LAMA4: variants seen among roughly 807,000 people sequenced by gnomAD.
The protein encoded by LAMA4 is laminin subunit alpha-4.
LAMA4 carries 127 observed loss-of-function variants against 207.1 expected under a neutral mutation model. That is an observed-to-expected ratio of 0.61 (90% CI 0.53 to 0.71). The LOEUF is 0.71. Among genes scored for constraint, LAMA4 ranks in the 30% least tolerant of loss-of-function variants. LAMA4 has a pLI of 0.00. For missense variants in LAMA4, 2,093 were observed against 2,246.5 expected (o/e 0.93, Z 1.38); for synonymous variants, 761 against 816.0 (o/e 0.93, Z 1.15).
At chr6:112,205,887 T>C (rs961925077) in intron 4 of LAMA4, among the ~76,000 whole-genome samples, 2 of 152,082 alleles carry the variant, frequency 1.3e-5, no homozygotes, top group African/African-American at 4.8e-5. Flanking sequence ...ACCTACAACA[T>C]GAAACTTTGA....
At chr6:112,127,556 G>C (rs557458899) in intron 31 of LAMA4, among the ~76,000 whole-genome samples, 1 of 152,202 alleles carries the variant, frequency 6.6e-6, no homozygotes, top group South Asian at 2.1e-4. Context: ...ATGAACTCAG[G>C]GTAAGGCATG....
intron 5 of LAMA4, among the ~76,000 whole-genome samples, chr6:112,196,093 C>T (rs1783403625): frequency 6.6e-6 from 1 of 151,984 alleles, no homozygotes; most frequent in African/African-American, 2.4e-5. Context: ...GTGATATTCC[C>T]ATACATGTGT....
At chr6:112,206,957 C>A in intron 4 of LAMA4, 64 bp downstream of exon 4, 1 of 1,600,604 alleles carries the variant, frequency 6.2e-7, no homozygotes, top group Non-Finnish European at 8.5e-7. Context: ...CAAAACAAAA[C>A]AAAACAAAAC....
At chr6:112,217,064 T>C (rs1057051541) in intron 2 of LAMA4, among the ~76,000 whole-genome samples, 1 of 152,226 alleles carries the variant, frequency 6.6e-6, no homozygotes, top group Admixed American at 6.5e-5. Flanking sequence ...GCTGTTCATA[T>C]ATGTATTTCA....
intron 9 of LAMA4, among the ~76,000 whole-genome samples, chr6:112,182,706 G>T (rs539625271): frequency 2.6e-5 from 4 of 152,218 alleles, no homozygotes; most frequent in Non-Finnish European, 5.9e-5. Context: ...TCTGGGCTCT[G>T]CAGTGGACCT....
At chr6:112,158,407 C>A in intron 14 of LAMA4, 1 of 350,496 alleles carries the variant, frequency 2.9e-6, no homozygotes, top group Non-Finnish European at 5.4e-6. Flanking sequence ...CTTTGGTCAT[C>A]CTACTAAAAA....
intron 38 of LAMA4, among the ~76,000 whole-genome samples, chr6:112,111,420 C>A (rs1554321556): frequency 6.6e-6 from 1 of 152,140 alleles, no homozygotes; most frequent in Non-Finnish European, 1.5e-5. Flanking sequence ...GTGTGTAGTT[C>A]TAGGAATTTT....
rs782170392 is a variant in LAMA4, at chr6:112,144,919, C to T, written c.2368G>A (p.Glu790Lys). 30 of 1,613,704 alleles carry T rather than the reference C, an allele frequency of 1.9e-5. No homozygotes were observed. Among genetic ancestry groups the T allele is most frequent in the Non-Finnish European group, 2.5e-5 (29 of 1,179,908 alleles). ...TGATCCAGGAGCTGAGGGACAACCTCGGTCAGATTTCTTACTGCAGTTAAT... is the reference window on the plus strand; with the variant it reads ...TGATCCAGGAGCTGAGGGACAACCTTGGTCAGATTTCTTACTGCAGTTAAT... ...SARDAVRNLTEVVPQLLDQLR... is the reference protein window; with the variant it reads ...SARDAVRNLTKVVPQLLDQLR... Residue 790 changes from glutamate (E) to lysine (K), a missense_variant, in exon 19 of 39, where the codon GAG becomes AAG. Glu to Lys is a moderately conservative substitution (Grantham distance 56). Around this residue, in one of 3 missense-constraint regions of LAMA4, gnomAD observed 1,704 missense variants for 1,788.4 expected, o/e 0.95. Transcript: ENST00000230538.
intron 5 of LAMA4, among the ~76,000 whole-genome samples, chr6:112,197,741 G>A (rs1554350946): frequency 6.6e-6 from 1 of 152,186 alleles, no homozygotes; most frequent in East Asian, 1.9e-4. Context: ...TGTGCCATGT[G>A]ACGACTCATG....
intron 3 of LAMA4, among the ~76,000 whole-genome samples, chr6:112,212,804 T>A (rs534520431): frequency 6.6e-6 from 1 of 152,340 alleles, no homozygotes; most frequent in South Asian, 2.1e-4. Flanking sequence ...ATAATCAGTT[T>A]CTTCCTGTTC....
intron 11 of LAMA4, among the ~76,000 whole-genome samples, chr6:112,173,221 G>A (rs772436843): frequency 8.5e-5 from 13 of 152,136 alleles, no homozygotes; most frequent in Non-Finnish European, 1.6e-4. Flanking sequence ...CTCATTTTCT[G>A]TAGTTTCTCT....
intron 3 of LAMA4, among the ~76,000 whole-genome samples, chr6:112,209,934 C>G (rs782173270): frequency 6.6e-6 from 1 of 152,030 alleles, no homozygotes; most frequent in Admixed American, 6.5e-5. Flanking sequence ...AATGGCTTAG[C>G]GTGATTCCCC....
At position 112,150,547 on chromosome 6, in the gene LAMA4, T is replaced by C. The variant is rs781929874; in HGVS notation, c.2137A>G (p.Ser713Gly). ...ARKSALKTRL[S>G]DAVKQLQAAE... ...GCTTGTAGTTGCTTAACGGCATCACTGAGTCTGGTTTTAAGGGCACTTTTC... is the reference window on the plus strand; with the variant it reads ...GCTTGTAGTTGCTTAACGGCATCACCGAGTCTGGTTTTAAGGGCACTTTTC... The change falls in exon 17 of 39, where the codon AGT becomes GGT. Residue 713 changes from serine to glycine, a missense_variant. Ser to Gly is a moderately conservative substitution (Grantham distance 56). This residue lies in a region of LAMA4 where 1,704 missense variants were observed against 1,788.4 expected (regional missense o/e 0.95). Coordinates refer to ENST00000230538, the MANE Select transcript of LAMA4 (RefSeq NM_001105206.3). The C allele has an allele frequency of 1.9e-6, 3 of 1,613,616 alleles. No individual in the cohort carries two copies. Among genetic ancestry groups the C allele is most frequent in the Admixed American group, 3.3e-5 (2 of 60,000 alleles).
chr6:112,186,588 T>A (rs1254699063), intron 8 of LAMA4, among the ~76,000 whole-genome samples: 1 of 152,176 alleles, frequency 6.6e-6, no homozygotes, highest in Non-Finnish European at 1.5e-5. Flanking sequence ...ATGCTCCAGT[T>A]CCTGATACAA....
In LAMA4 at chr6:112,114,720, A is replaced by G; in HGVS notation, c.5149T>C (p.Ser1717Pro). Residue 1717 changes from serine to proline, a missense_variant, in exon 37 of 39, where the codon TCC becomes CCC. By Grantham distance (74) the Ser-to-Pro change is moderately conservative. Transcript: ENST00000230538. ...VKVNNGIRDF[S>P]TSVTPKQSLC... ...CTCTGCTTGGGTGTAACTGAGGTGGAAAAATCTCTGATGCCATTATTGACT... is the reference window on the plus strand; with the variant it reads ...CTCTGCTTGGGTGTAACTGAGGTGGGAAAATCTCTGATGCCATTATTGACT... 2 of 1,612,740 alleles carry G rather than the reference A, an allele frequency of 1.2e-6. No individual in the cohort carries two copies. Among genetic ancestry groups the G allele is most frequent in the Non-Finnish European group, 8.5e-7 (1 of 1,178,860 alleles).
intron 7 of LAMA4, among the ~76,000 whole-genome samples, chr6:112,187,896 T>A (rs148490960): frequency 4.8e-4 from 73 of 152,312 alleles, no homozygotes; most frequent in African/African-American, 1.7e-3. Flanking sequence ...CCCCACTTCC[T>A]GGCAGGATGA....
chr6:112,152,863 TACAA>T (rs1269667418), intron 16 of LAMA4, among the ~76,000 whole-genome samples: 1 of 151,946 alleles, frequency 6.6e-6, no homozygotes, highest in African/African-American at 2.4e-5. Flanking sequence ...AACATTATAA[TACAA>T]ACAATGTTTT....
intron 15 of LAMA4, chr6:112,155,223 CAATA>C: frequency 3.5e-6 from 2 of 569,094 alleles, no homozygotes; most frequent in Admixed American, 3.2e-5. Flanking sequence ...AGAAGCCACA[CAATA>C]AATAATTTTG....
At chr6:112,194,372 C>G (rs1783290546) in intron 5 of LAMA4, among the ~76,000 whole-genome samples, 1 of 152,162 alleles carries the variant, frequency 6.6e-6, no homozygotes, top group South Asian at 2.1e-4. Flanking sequence ...GTCCCCTGGT[C>G]TTTTACAAGA....
Sources: allele counts gnomAD v4.1 joint callset (sites outside exome capture counted in the v4.1 genomes callset), GRCh38; gene constraint gnomAD v4.1.1; regional missense constraint gnomAD v4.1.1; transcripts MANE v1.5; gene names NCBI Gene and HGNC (gene_info 2026-07-23, HGNC 2026-07-21).